The following EIF3A variants were observed in gnomAD, a reference collection of about 807,000 sequenced individuals.
The protein encoded by EIF3A is EIF3, p180 subunit.
In EIF3A, 21 loss-of-function variants were observed where a neutral mutation model predicts 186.6. The ratio of observed to expected loss-of-function variants is 0.11; its 90% CI spans 0.08 to 0.16. The LOEUF is 0.16. EIF3A is among the 10% of genes least tolerant of loss of function. EIF3A has a pLI of 1.00. For missense variants in EIF3A, 1,306 were observed against 1,796.3 expected, an observed-to-expected ratio of 0.73 and a Z score of 4.93; for synonymous variants, 563 against 584.3, an observed-to-expected ratio of 0.96 and a Z score of 0.52.
At chr10:119,048,062 G>C (rs1848304383) in intron 17 of EIF3A, among the ~76,000 whole-genome samples, 1 of 152,132 alleles carries the variant, frequency 6.6e-6, no homozygotes, top group Non-Finnish European at 1.5e-5. Context: ...AGGTGACTAA[G>C]AAGAAAATAG....
chr10:119,041,758 A>G (rs771979438), intron 19 of EIF3A, among the ~76,000 whole-genome samples: 1 of 152,240 alleles, frequency 6.6e-6, no homozygotes, highest in South Asian at 2.1e-4. Context: ...CAGTCATCGA[A>G]GCAGAAGGAA....
intron 7 of EIF3A, among the ~76,000 whole-genome samples, chr10:119,062,746 T>TC (rs1407420340): frequency 1.4e-5 from 2 of 138,948 alleles, no homozygotes; most frequent in Non-Finnish European, 3.1e-5. Flanking sequence ...AGATCACCTT[T>TC]TTTTTTTTTT....
At chr10:119,073,713 T>C (rs765789013) in intron 2 of EIF3A, 34 bp downstream of exon 2, 8 of 1,568,708 alleles carry the variant, frequency 5.1e-6, no homozygotes, top group Non-Finnish European at 6.9e-6. Context: ...CTAAAAACAC[T>C]TGTTAAAAAT....
chr10:119,061,344 C>A lies in EIF3A; in HGVS notation c.1123-16G>T, dbSNP rs1389448566. 8.3e-7 allele frequency: 1 copy of A among 1,208,452 alleles called. No individual in the cohort carries two copies. 74.9% of individuals were successfully genotyped at this position (1,208,452 alleles called of 1,614,324 possible). ...TAAATCTGACCTACAGTAAGCAAAA[C>A]AAAAGATGTAACTGCCAAAGGAAAT... is the stretch of plus-strand genomic sequence containing the variant. On this transcript the variant is annotated splice_polypyrimidine_tract_variant and intron_variant, in intron 7 of 21. Coordinates refer to ENST00000369144, the MANE Select transcript of EIF3A (RefSeq NM_003750.4).
chr10:119,034,014 A>G lies in EIF3A; in HGVS notation c.*2025T>C. On this transcript the variant is annotated 3_prime_UTR_variant, in exon 22 of 22. Transcript: ENST00000369144. Reference sequence around the variant, plus strand: ...CGATGATGTCTCTACTACTGGATCTATCTGTATTAACAGCAATGTTACTCT... The same window carrying G: ...CGATGATGTCTCTACTACTGGATCTGTCTGTATTAACAGCAATGTTACTCT... 2 of 167,228 alleles carry G rather than the reference A, an allele frequency of 1.2e-5. No homozygotes were observed. 10.4% of individuals were successfully genotyped at this position (167,228 alleles called of 1,614,324 possible). A position where few individuals can be genotyped will look rare whatever the true frequency, so the allele number is the denominator to read the frequency against.
intron 14 of EIF3A, among the ~76,000 whole-genome samples, chr10:119,053,622 G>A (rs1440667236): frequency 6.6e-6 from 1 of 151,382 alleles, no homozygotes; most frequent in Non-Finnish European, 1.5e-5. Context: ...CTACTCAGGA[G>A]GCTGAAGTGG....
Position 119,054,544 on chromosome 10 carries a change from G to A in EIF3A, c.2196+2196C>T, listed in dbSNP as rs529215423. ...AGCCTGACCAACATAGAGAAACCCCGTCTCTAATTAAAAAAAAAAAAAAAA... is the reference window on the plus strand; with the variant it reads ...AGCCTGACCAACATAGAGAAACCCCATCTCTAATTAAAAAAAAAAAAAAAA... On this transcript the variant is annotated intron_variant, in intron 14 of 21. Coordinates refer to ENST00000369144, the MANE Select transcript of EIF3A (RefSeq NM_003750.4). Among the ~76,000 whole-genome samples the A allele has an allele frequency of 2.9e-3, 426 of 146,590 alleles. 1 individual carries two copies. The highest frequency in any genetic ancestry group is 4.5e-3 in the Non-Finnish European group (303 of 66,748).
At chr10:119,043,922 A>G (rs1475358494) in intron 18 of EIF3A, 132 bp downstream of exon 18, 2 of 705,244 alleles carry the variant, frequency 2.8e-6, no homozygotes, top group Non-Finnish European at 2.5e-6. Context: ...ACAAACCCAC[A>G]CGCAATCAGA....
At chr10:119,078,189 T>C (rs1177087250) in intron 1 of EIF3A, among the ~76,000 whole-genome samples, 1 of 152,120 alleles carries the variant, frequency 6.6e-6, no homozygotes, top group Non-Finnish European at 1.5e-5. Context: ...ACATAAACTA[T>C]AATAAGGTCA....
intron 18 of EIF3A, 52 bp downstream of exon 18, chr10:119,044,002 A>G: frequency 7.6e-7 from 1 of 1,318,006 alleles, no homozygotes; most frequent in Non-Finnish European, 1.1e-6. Flanking sequence ...AAAACCACTG[A>G]TAAGATATTA....
Position 119,050,510 on chromosome 10 carries a change from G to A in EIF3A, c.2473+11C>T, listed in dbSNP as rs200852678. Reference sequence around the variant, plus strand: ...CATTAGCACCCCTCCAATCCTGTTTGACCTGTGTACCTTTTAGCATTTGTT... The same window carrying A: ...CATTAGCACCCCTCCAATCCTGTTTAACCTGTGTACCTTTTAGCATTTGTT... On this transcript the variant is annotated intron_variant, in intron 16 of 21. Coordinates refer to ENST00000369144, the MANE Select transcript of EIF3A (RefSeq NM_003750.4). 9.3e-6 allele frequency: 15 copies of A among 1,612,464 alleles called. No homozygotes were observed. The African/African-American group carries it at 1.5e-4, about 16-fold the overall frequency.
At chr10:119,048,016 TA>T (rs1277215545) in intron 17 of EIF3A, among the ~76,000 whole-genome samples, 3 of 151,888 alleles carry the variant, frequency 2.0e-5, no homozygotes, top group Non-Finnish European at 1.5e-5. Flanking sequence ...AGACACAGAA[TA>T]AAGCAGAAAA....
At chr10:119,074,305 A>C (rs1844122059) in intron 1 of EIF3A, among the ~76,000 whole-genome samples, 1 of 152,016 alleles carries the variant, frequency 6.6e-6, no homozygotes, top group South Asian at 2.1e-4. Flanking sequence ...TCCCTACCAA[A>C]AATACAAAAA....
chr10:119,050,079 T>C lies in EIF3A; in HGVS notation c.2474-94A>G, dbSNP rs1848336083. ...TTCTGGTATTAAACAGGTAGCATAATGTACAAGTAAAAGAATTTGAAAATA... is the reference window on the plus strand; with the variant it reads ...TTCTGGTATTAAACAGGTAGCATAACGTACAAGTAAAAGAATTTGAAAATA... On this transcript the variant is annotated intron_variant, in intron 16 of 21. Transcript: ENST00000369144. 10 of 1,198,764 alleles carry C rather than the reference T, an allele frequency of 8.3e-6. 1 individual carries two copies. In the South Asian group the frequency reaches 1.0e-4, roughly 12 times the overall value. The allele number at this position is 1,198,764 out of a possible 1,614,324, so 74.3% of individuals were successfully genotyped here.
intron 6 of EIF3A, among the ~76,000 whole-genome samples, chr10:119,068,730 C>A (rs1844021607): frequency 6.6e-6 from 1 of 151,838 alleles, no homozygotes; most frequent in Non-Finnish European, 1.5e-5. Flanking sequence ...AATCCCAGCA[C>A]TTTGGGAGGC....
intron 14 of EIF3A, 57 bp downstream of exon 14, chr10:119,056,683 T>C (rs1264030363): frequency 8.8e-7 from 1 of 1,133,890 alleles, no homozygotes; most frequent in Non-Finnish European, 1.3e-6. Flanking sequence ...TTGGTTCCAT[T>C]ACTGGCAGAG....
chr10:119,062,641 CAG>C (rs1241859248), intron 7 of EIF3A, among the ~76,000 whole-genome samples: 4 of 151,698 alleles, frequency 2.6e-5, no homozygotes. Flanking sequence ...GACTTGCTCA[CAG>C]AGTTTTAGTG....
In EIF3A at chr10:119,069,442, T is replaced by G. The variant is rs182126422; in HGVS notation, c.950+4A>C. ...TCAACATTATCCAAGTATAACATTT[T>G]TACCTTTGCATCTCATCTTGTGTGA... On this transcript the variant is annotated splice_donor_region_variant and intron_variant, in intron 6 of 21. Coordinates refer to ENST00000369144, the MANE Select transcript of EIF3A (RefSeq NM_003750.4). The G allele has an allele frequency of 4.5e-6, 6 of 1,318,850 alleles. No individual in the cohort carries two copies. In the East Asian group the frequency reaches 1.4e-4, roughly 30 times the overall value. The allele number at this position is 1,318,850 out of a possible 1,614,324, so 81.7% of individuals were successfully genotyped here.
chr10:119,080,715 C>G lies in EIF3A; in HGVS notation c.-39G>C, dbSNP rs766525866. On this transcript the variant is annotated 5_prime_UTR_variant, in exon 1 of 22. Transcript: ENST00000369144. ...TCAGCTCACCCGGCGTCAGCGAACT[C>G]TCTAGTGGCCCGGGCCGGGAGAGGA... 1 of 1,569,584 alleles carries G rather than the reference C, an allele frequency of 6.4e-7. No homozygotes were observed. The highest frequency in any genetic ancestry group is 1.4e-5 in the African/African-American group (1 of 72,364).
Sources: gnomAD v4.1 joint callset for allele counts (sites outside exome capture counted in the v4.1 genomes callset) on GRCh38, gnomAD v4.1.1 for gene constraint, MANE v1.5 for transcripts, NCBI Gene and HGNC (gene_info 2026-07-23, HGNC 2026-07-21) for gene names.